KLHL3: variants seen among roughly 807,000 people sequenced by gnomAD.
KLHL3 encodes the protein kelch like family member 3.
In KLHL3, 19 loss-of-function variants were observed where a neutral mutation model predicts 70.5. The observed-to-expected ratio is 0.27, with a 90% CI of 0.19 to 0.40. The LOEUF (loss-of-function observed/expected upper bound fraction) is 0.40, where lower values mean the gene tolerates loss of function less well. Among genes scored for constraint, KLHL3 ranks in the 10% least tolerant of loss-of-function variants. KLHL3 has a pLI of 1.00. For missense variants in KLHL3, 512 were observed against 771.1 expected, an observed-to-expected ratio of 0.66 and a Z score of 3.98; for synonymous variants, 258 against 290.3, an observed-to-expected ratio of 0.89 and a Z score of 1.13.
At chr5:137,734,305 C>T (rs1753226891) in intron 1 of KLHL3, among the ~76,000 whole-genome samples, 2 of 152,196 alleles carry the variant, frequency 1.3e-5, no homozygotes, top group African/African-American at 2.4e-5. Context: ...GGAAATAGGC[C>T]TTCATATTCT....
At chr5:137,718,259 A>G (rs1042488087) in intron 2 of KLHL3, among the ~76,000 whole-genome samples, 1 of 152,262 alleles carries the variant, frequency 6.6e-6, no homozygotes, top group African/African-American at 2.4e-5. Flanking sequence ...ATCTAAGTCA[A>G]TGCTTTTGGG....
At chr5:137,680,985 C>T (rs185220830) in intron 5 of KLHL3, among the ~76,000 whole-genome samples, 44 of 151,816 alleles carry the variant, frequency 2.9e-4, no homozygotes, top group African/African-American at 9.2e-4. Context: ...CTAGCCTGGT[C>T]AATAAAGTGA....
chr5:137,663,556 T>A (rs562032587), intron 6 of KLHL3, among the ~76,000 whole-genome samples: 126 of 151,754 alleles, frequency 8.3e-4, no homozygotes, highest in African/African-American at 2.9e-3. Context: ...AATAATTATA[T>A]AAGATTGCTT....
At chr5:137,651,233 A>G (rs933637488) in intron 8 of KLHL3, among the ~76,000 whole-genome samples, 12 of 152,188 alleles carry the variant, frequency 7.9e-5, no homozygotes, top group African/African-American at 2.9e-4. Context: ...CTGCCATGGA[A>G]CCTACAGTTG....
intron 5 of KLHL3, among the ~76,000 whole-genome samples, chr5:137,681,141 G>C (rs906038275): frequency 6.6e-6 from 1 of 152,124 alleles, no homozygotes; most frequent in Non-Finnish European, 1.5e-5. Context: ...AGGTTATTCA[G>C]TTCCTTGAGG....
chr5:137,720,161 G>A (rs530900084), intron 2 of KLHL3, among the ~76,000 whole-genome samples: 4 of 152,142 alleles, frequency 2.6e-5, no homozygotes, highest in East Asian at 1.9e-4. Flanking sequence ...TTAGCTGGGC[G>A]TGGTGGCATG....
chr5:137,658,416 A>C, intron 7 of KLHL3, 136 bp from the exon 8 acceptor site: 1 of 826,458 alleles, frequency 1.2e-6, no homozygotes, highest in South Asian at 1.5e-5. Flanking sequence ...CCAAAGAGTT[A>C]CAACTTACTG....
rs532800905 is a variant in KLHL3, at chr5:137,708,421, T to G, written c.241+1329A>C. On this transcript the variant is annotated intron_variant, in intron 3 of 14. Transcript: ENST00000309755. ...TGTGTTCATTCTTCAGACATTCACT[T>G]ATTCACCGCCTCCTGTGGTGGGCAT... 8.3e-4 allele frequency among the ~76,000 whole-genome samples: 127 copies of G among 152,328 alleles called. 1 individual carries two copies. The highest frequency in any genetic ancestry group is 3.9e-3 in the East Asian group (20 of 5,192).
At chr5:137,720,119 G>C (rs1025192686) in intron 2 of KLHL3, among the ~76,000 whole-genome samples, 7 of 151,916 alleles carry the variant, frequency 4.6e-5, no homozygotes, top group Non-Finnish European at 8.8e-5. Flanking sequence ...GACCAACATG[G>C]TGAAACCCCG....
chr5:137,626,768 C>T (rs1750471982), intron 13 of KLHL3, among the ~76,000 whole-genome samples: 1 of 152,150 alleles, frequency 6.6e-6, no homozygotes, highest in South Asian at 2.1e-4. Context: ...CTTTGGGAGG[C>T]CAAGGCAGAT....
At chr5:137,655,455 A>G (rs1751313248) in intron 8 of KLHL3, among the ~76,000 whole-genome samples, 1 of 152,234 alleles carries the variant, frequency 6.6e-6, no homozygotes, top group Admixed American at 6.5e-5. Flanking sequence ...AGGTACTTGA[A>G]GAAAACATGG....
At chr5:137,626,159 G>A (rs1007983740) in intron 13 of KLHL3, among the ~76,000 whole-genome samples, 4 of 151,960 alleles carry the variant, frequency 2.6e-5, no homozygotes, top group Non-Finnish European at 5.9e-5. Context: ...TATGCCCCCC[G>A]CCACACACAT....
rs150072091 is a variant in KLHL3 at position 137,653,457 on chromosome 5, A to G, written c.903+4674T>C. 4.1e-4 allele frequency among the ~76,000 whole-genome samples: 62 copies of G among 152,356 alleles called. 1 individual carries two copies. The East Asian group carries it at 0.011, about 28-fold the overall frequency. ...AAATGGGCAAAATATTTTAATAGAC[A>G]CTTCACCAAAGAAGAAATATGGGTG... On this transcript the variant is annotated intron_variant, in intron 8 of 14. Coordinates refer to ENST00000309755, the MANE Select transcript of KLHL3 (RefSeq NM_017415.3).
rs1194548729 is a variant in KLHL3, at chr5:137,617,547, C to T, written c.*4551G>A. 3 of 152,216 alleles carry T rather than the reference C, an allele frequency of 2.0e-5. No individual in the cohort carries two copies. The highest frequency in any genetic ancestry group is 2.9e-5 in the Non-Finnish European group (2 of 68,046). The allele number at this position is 152,216 out of a possible 1,614,324, so 9.4% of individuals were successfully genotyped here. ...AAAATTAAAGGATGGGAAATTAGAACATGATTCCTGTTAAAATAATACATT... is the reference window on the plus strand; with the variant it reads ...AAAATTAAAGGATGGGAAATTAGAATATGATTCCTGTTAAAATAATACATT... On this transcript the variant is annotated 3_prime_UTR_variant, in exon 15 of 15. Coordinates refer to ENST00000309755, the MANE Select transcript of KLHL3 (RefSeq NM_017415.3).
chr5:137,690,549 C>T (rs559105378), intron 5 of KLHL3, among the ~76,000 whole-genome samples: 1 of 152,088 alleles, frequency 6.6e-6, no homozygotes, highest in Admixed American at 6.5e-5. Context: ...ATCAGCAGGA[C>T]TCAGAATTGA....
intron 5 of KLHL3, among the ~76,000 whole-genome samples, chr5:137,691,427 A>G (rs1018546454): frequency 1.3e-5 from 2 of 152,188 alleles, no homozygotes; most frequent in African/African-American, 4.8e-5. Context: ...CTAATCAAAA[A>G]ATAGCAGTTG....
intron 3 of KLHL3, among the ~76,000 whole-genome samples, chr5:137,704,201 A>C (rs917707576): frequency 3.9e-5 from 6 of 151,920 alleles, no homozygotes; most frequent in Admixed American, 6.6e-5. Context: ...CTGGCTAACA[A>C]GGTGAAACCC....
intron 6 of KLHL3, 25 bp downstream of exon 6, chr5:137,677,520 G>T: frequency 1.4e-6 from 2 of 1,400,098 alleles, no homozygotes; most frequent in African/African-American, 1.4e-5. Flanking sequence ...TGAGGTTCCC[G>T]TTTCCCCAGT....
At chr5:137,644,594 A>C (rs75830225) in intron 8 of KLHL3, among the ~76,000 whole-genome samples, 331 of 152,312 alleles carry the variant, frequency 2.2e-3, no homozygotes, top group African/African-American at 7.9e-3. Flanking sequence ...GGACACATAC[A>C]ACCAACCAAT....
Sources: allele counts gnomAD v4.1 joint callset (sites outside exome capture counted in the v4.1 genomes callset), GRCh38; gene constraint gnomAD v4.1.1; transcripts MANE v1.5; gene names NCBI Gene and HGNC (gene_info 2026-07-23, HGNC 2026-07-21).